Variants in HAGHL observed in about 807,000 individuals in gnomAD.
HAGHL encodes hydroxyacylglutathione hydrolase like, also known as hydroxyacylglutathione hydrolase-like protein.
HAGHL carries 27 observed loss-of-function variants against 29.2 expected under a neutral mutation model. The observed-to-expected ratio is 0.92, with a 90% CI of 0.68 to 1.27. HAGHL has a LOEUF of 1.27. HAGHL is among the 50% of genes most tolerant of loss of function. The pLI is 0.00. For missense variants in HAGHL, 529 were observed against 405.5 expected (o/e 1.30, Z -2.62); for synonymous variants, 223 against 185.7 (o/e 1.20, Z -1.63).
At position 727,540 on chromosome 16, in the gene HAGHL, G is replaced by A; in HGVS notation, c.31G>A (p.Asp11Asn). The change falls in exon 1 of 8, where the codon GAC becomes AAC. Residue 11 changes from aspartate to asparagine, a missense_variant. Transcript: ENST00000389703. The stretch of plus-strand genomic sequence containing the variant: ...GGTCAAGGTCATCCCCGTGCTCGAG[G>A]ACAACTACATGTACCTGGTCATCGA... MKVKVIPVLE[D>N]NYMYLVIEEL... is the part of the protein sequence containing the mutation. 2 of 1,611,624 alleles carry A rather than the reference G, an allele frequency of 1.2e-6. No homozygotes were observed. The highest frequency in any genetic ancestry group is 2.2e-5 in the East Asian group (1 of 44,828).
At chr16:728,480 C>T (rs1193709925) in intron 4 of HAGHL, 24 bp from the exon 5 acceptor site, 6 of 1,520,208 alleles carry the variant, frequency 3.9e-6, no homozygotes, top group Non-Finnish European at 3.5e-6. Context: ...GCCCCATCTG[C>T]TCTGACCCGC....
Position 728,333 on chromosome 16 carries a change from G to A in HAGHL, c.306G>A (p.Val102=). 1 of 1,563,874 alleles carries A rather than the reference G, an allele frequency of 6.4e-7. No homozygotes were observed. The highest frequency in any genetic ancestry group is 8.6e-7 in the Non-Finnish European group (1 of 1,159,252). Residue 102 remains valine, a synonymous_variant, in exon 4 of 8, where the codon GTG becomes GTA. Coordinates refer to ENST00000389703, the MANE Select transcript of HAGHL (RefSeq NM_032304.4). The part of the protein sequence containing the change: ...GEELRFGAIH[V]RCLLTPGHTA... ...CGCCGCAGTTCGGGGCCATCCACGT[G>A]CGTTGCCTCCTGACGCCCGGCCACA...
Position 728,439 on chromosome 16 carries a change from G to A in HAGHL, c.397+15G>A. On this transcript the variant is annotated intron_variant, in intron 4 of 7. Coordinates refer to ENST00000389703, the MANE Select transcript of HAGHL (RefSeq NM_032304.4). Reference sequence around the variant, plus strand: ...CCTGTTCTCGGGTACCCGCAGCGCGGAGCGCGCCCACCCCGCCTCCCGCCG... The same window carrying A: ...CCTGTTCTCGGGTACCCGCAGCGCGAAGCGCGCCCACCCCGCCTCCCGCCG... 1 of 1,518,658 alleles carries A rather than the reference G, an allele frequency of 6.6e-7. No homozygotes were observed. Among genetic ancestry groups the A allele is most frequent in the Non-Finnish European group, 8.8e-7 (1 of 1,131,378 alleles). 94.1% of individuals were successfully genotyped at this position (1,518,658 alleles called of 1,614,324 possible). A position where few individuals can be genotyped will look rare whatever the true frequency, so the allele number is the denominator to read the frequency against.
At chr16:729,155 G>C in intron 7 of HAGHL, 67 bp downstream of exon 7, 1 of 1,586,952 alleles carries the variant, frequency 6.3e-7, no homozygotes, top group Non-Finnish European at 8.6e-7. Context: ...TCTGGGGACT[G>C]CGTGTTGGGC....
At position 728,601 on chromosome 16, in the gene HAGHL, G is replaced by A. The variant is rs1162750831; in HGVS notation, c.495G>A (p.Glu165=). 1.3e-6 allele frequency: 2 copies of A among 1,489,834 alleles called. No individual in the cohort carries two copies. Among genetic ancestry groups the A allele is most frequent in the Non-Finnish European group, 1.8e-6 (2 of 1,119,130 alleles). 92.3% of individuals were successfully genotyped at this position (1,489,834 alleles called of 1,614,324 possible). A position where few individuals can be genotyped will look rare whatever the true frequency, so the allele number is the denominator to read the frequency against. Residue 165 remains glutamate (E), a synonymous_variant, in exon 5 of 8, where the codon GAG becomes GAA. Transcript: ENST00000389703. ...CCGAGCTGGGTACCCTGCCCCCCGA[G>A]ACGGTGAGCGGGCCTGGGCCCTCCC... ...SLAELGTLPP[E]TKVFCGHEHT... is the part of the protein sequence containing the mutation.
intron 1 of HAGHL, 21 bp from the exon 2 acceptor site, chr16:727,944 C>T (rs751725968): frequency 1.9e-6 from 3 of 1,602,590 alleles, no homozygotes; most frequent in South Asian, 2.2e-5. Context: ...TCTGTGTTAC[C>T]GTCACTCCCG....
At chr16:728,732 C>T in intron 5 of HAGHL, 62 bp from the exon 6 acceptor site, 3 of 1,503,280 alleles carry the variant, frequency 2.0e-6, no homozygotes, top group Non-Finnish European at 9.2e-7. Context: ...GCCAGGCCCC[C>T]GGCGCAAGCA....
In HAGHL at chr16:728,770, G is replaced by A. The variant is rs373306383; in HGVS notation, c.499-24G>A. The A allele has an allele frequency of 3.1e-6, 5 of 1,606,598 alleles. No homozygotes were observed. The African/African-American group carries it at 5.3e-5, about 17-fold the overall frequency. ...TTCCCCGCTTCCTGGCCGCGTGCGC[G>A]CTCACCGAGCGCTCTTCCTCCAGAA... On this transcript the variant is annotated intron_variant, in intron 5 of 7. Transcript: ENST00000389703.
At chr16:728,648 C>T (rs1567338502) in intron 5 of HAGHL, 44 bp downstream of exon 5, 17 of 1,302,844 alleles carry the variant, frequency 1.3e-5, no homozygotes, top group Non-Finnish European at 1.8e-5. Context: ...TGGGCACAGC[C>T]CCCACGCTCC....
At position 729,476 on chromosome 16, in the gene HAGHL, G is replaced by A. The variant is rs1234796332; in HGVS notation, c.*20G>A. On this transcript the variant is annotated 3_prime_UTR_variant, in exon 8 of 8. Coordinates refer to ENST00000389703, the MANE Select transcript of HAGHL (RefSeq NM_032304.4). ...GACTGAGCCACCCAGACCCTCACAG[G>A]GCTGGGGCCTGCGTCCCTCCTCGTG... The A allele has an allele frequency of 9.1e-6, 14 of 1,539,188 alleles. No individual in the cohort carries two copies. The highest frequency in any genetic ancestry group is 1.1e-5 in the Non-Finnish European group (13 of 1,146,264).
Position 729,014 on chromosome 16 carries a change from G to A in HAGHL, c.606G>A (p.Arg202=), listed in dbSNP as rs908312715. The change falls in exon 7 of 8, where the codon AGG becomes AGA. Residue 202 remains arginine (R), a synonymous_variant. Coordinates refer to ENST00000389703, the MANE Select transcript of HAGHL (RefSeq NM_032304.4). ...GGGGCCTGTGGTCACTCCAGAAGAG[G>A]GATGAGGATGACGTGCCCACTGTGC... is the stretch of plus-strand genomic sequence containing the variant. ...VRAKLSWAKK[R]DEDDVPTVPS... 10 of 1,609,140 alleles carry A rather than the reference G, an allele frequency of 6.2e-6. No homozygotes were observed. The highest frequency in any genetic ancestry group is 2.7e-5 in the African/African-American group (2 of 74,882).
At position 729,354 on chromosome 16, in the gene HAGHL, G is replaced by A. The variant is rs1217780708; in HGVS notation, c.747G>A (p.Lys249=). 4 of 1,531,130 alleles carry A rather than the reference G, an allele frequency of 2.6e-6. No homozygotes were observed. The highest frequency in any genetic ancestry group is 3.5e-6 in the Non-Finnish European group (4 of 1,140,506). The allele number at this position is 1,531,130 out of a possible 1,614,324, so 94.8% of individuals were successfully genotyped here. The change falls in exon 8 of 8, where the codon AAG becomes AAA. Residue 249 remains lysine (K), a synonymous_variant. Transcript: ENST00000389703. The stretch of plus-strand genomic sequence containing the variant: ...CCGACGTCCTGGAGGCGCTATGCAA[G>A]GAGCGGGCGCGCTTCGAACAGGCGG... ...VPADVLEALC[K]ERARFEQAGE...
Position 728,891 on chromosome 16 carries a change from C to A in HAGHL, c.596C>A (p.Ala199Asp), listed in dbSNP as rs759301140. Residue 199 changes from alanine (A) to aspartate (D), a missense_variant, in exon 6 of 8, where the codon GCT (alanine) becomes GAT (aspartate). Ala to Asp is a moderately radical substitution (Grantham distance 126). Transcript: ENST00000389703. ...NDHVRAKLSW[A>D]KKRDEDDVPT... ...CACGTGAGAGCCAAGCTGTCCTGGG[C>A]TAAGGCACGGCCCCTTTCCCGCCGC... The A allele has an allele frequency of 1.3e-6, 2 of 1,572,958 alleles. No homozygotes were observed. Among genetic ancestry groups the A allele is most frequent in the Non-Finnish European group, 1.7e-6 (2 of 1,155,888 alleles).
Position 728,493 on chromosome 16 carries a change from TC to T in HAGHL, c.398-6del. The T allele has an allele frequency of 7.8e-7, 1 of 1,285,566 alleles. No individual in the cohort carries two copies. The highest frequency in any genetic ancestry group is 4.8e-5 in the East Asian group (1 of 20,952). 79.6% of individuals were successfully genotyped at this position (1,285,566 alleles called of 1,614,324 possible). A position where few individuals can be genotyped will look rare whatever the true frequency, so the allele number is the denominator to read the frequency against. ...CCGCCCCATCTGCTCTGACCCGCCC[TC>T]CCCCGCCAGGCGACGCGCTGTCGGT... On this transcript the variant is annotated splice_polypyrimidine_tract_variant and intron_variant, in intron 4 of 7. Transcript: ENST00000389703.
chr16:728,935 G>A lies in HAGHL; in HGVS notation c.600+40G>A, dbSNP rs768073097. ...CCGCCGCGGCAAGAGGGTGGGGGGG[G>A]AGGGAACAGGCTTCGGGGTGGGGGG... On this transcript the variant is annotated intron_variant, in intron 6 of 7. Coordinates refer to ENST00000389703, the MANE Select transcript of HAGHL (RefSeq NM_032304.4). 7 of 661,718 alleles carry A rather than the reference G, an allele frequency of 1.1e-5. 1 individual carries two copies. 41.0% of individuals were successfully genotyped at this position (661,718 alleles called of 1,614,324 possible).
In HAGHL at chr16:729,046, C is replaced by T; in HGVS notation, c.638C>T (p.Thr213Ile). Residue 213 changes from threonine to isoleucine, a missense_variant, in exon 7 of 8, where the codon ACT becomes ATT. Transcript: ENST00000389703. ...DEDDVPTVPS[T>I]LGEERLYNPF... ...GATGACGTGCCCACTGTGCCGTCGA[C>T]TCTGGGCGAGGAGCGCCTCTACAAC... 1 of 1,610,484 alleles carries T rather than the reference C, an allele frequency of 6.2e-7. No homozygotes were observed. The highest frequency in any genetic ancestry group is 8.5e-7 in the Non-Finnish European group (1 of 1,179,654).
At chr16:728,728 C>A (rs899307412) in intron 5 of HAGHL, 66 bp from the exon 6 acceptor site, 42 of 1,461,742 alleles carry the variant, frequency 2.9e-5, no homozygotes, top group Admixed American at 1.1e-4. Flanking sequence ...GGAGGCCAGG[C>A]CCCCGGCGCA....
Position 729,321 on chromosome 16 carries a change from G to T in HAGHL, c.714G>T (p.Ala238=), listed in dbSNP as rs992998596. 1 of 1,532,628 alleles carries T rather than the reference G, an allele frequency of 6.5e-7. No individual in the cohort carries two copies. The highest frequency in any genetic ancestry group is 8.8e-7 in the Non-Finnish European group (1 of 1,140,394). The allele number at this position is 1,532,628 out of a possible 1,614,324, so 94.9% of individuals were successfully genotyped here. A position where few individuals can be genotyped will look rare whatever the true frequency, so the allele number is the denominator to read the frequency against. The change falls in exon 8 of 8, where the codon GCG becomes GCT. Residue 238 remains alanine (A), a synonymous_variant. Coordinates refer to ENST00000389703, the MANE Select transcript of HAGHL (RefSeq NM_032304.4). ...CGGTGCGCAAGTTCACGGGCAAGGC[G>T]GTCCCCGCCGACGTCCTGGAGGCGC... is the stretch of plus-strand genomic sequence containing the variant. ...EEPVRKFTGK[A]VPADVLEALC...
At position 727,637 on chromosome 16, in the gene HAGHL, A is replaced by G. The variant is rs758509440; in HGVS notation, c.105+23A>G. On this transcript the variant is annotated intron_variant, in intron 1 of 7. Coordinates refer to ENST00000389703, the MANE Select transcript of HAGHL (RefSeq NM_032304.4). ...AGGGTGAGGGCAGGCCGCGGGCCGC[A>G]GGGACCCGGCCGTGTCCCCCGAGAG... The G allele has an allele frequency of 3.3e-6, 5 of 1,518,236 alleles. No homozygotes were observed. In the African/African-American group the frequency reaches 5.5e-5, roughly 17 times the overall value. The allele number at this position is 1,518,236 out of a possible 1,614,324, so 94.0% of individuals were successfully genotyped here.
Sources: gnomAD v4.1 joint callset for allele counts on GRCh38, gnomAD v4.1.1 for gene constraint, MANE v1.5 for transcripts, NCBI Gene and HGNC (gene_info 2026-07-23, HGNC 2026-07-21) for gene names.